Variants in GMPR observed in about 807,000 individuals in gnomAD.
The protein encoded by GMPR is GMP reductase 1.
Under a neutral mutation model 38.4 loss-of-function variants are expected in GMPR, and 31 were observed. That is an observed-to-expected ratio of 0.81 (90% CI 0.61 to 1.09). The LOEUF (loss-of-function observed/expected upper bound fraction) is 1.09. Among genes scored for constraint, GMPR ranks in the 50% least tolerant of loss-of-function variants. The probability of loss-of-function intolerance (pLI) is 0.00; values close to 1 mark genes in which losing one functional copy is unlikely to be tolerated. For synonymous variants in GMPR, 162 were observed against 173.3 expected (o/e 0.93, Z 0.51); for missense variants, 468 against 453.7 (o/e 1.03, Z -0.29).
chr6:16,250,974 A>G (rs1322003327), intron 3 of GMPR, among the ~76,000 whole-genome samples: 1 of 152,114 alleles, frequency 6.6e-6, no homozygotes, highest in African/African-American at 2.4e-5. Flanking sequence ...GCTTTGGAAA[A>G]CAGTTGTCAG....
intron 4 of GMPR, among the ~76,000 whole-genome samples, chr6:16,266,896 G>A (rs62387696): frequency 1.3e-5 from 2 of 151,672 alleles, no homozygotes; most frequent in Non-Finnish European, 1.5e-5. Context: ...GAACAACTCC[G>A]GACGTGCCAC....
chr6:16,254,066 G>T (rs1226235880), intron 3 of GMPR, among the ~76,000 whole-genome samples: 1 of 152,180 alleles, frequency 6.6e-6, no homozygotes, highest in East Asian at 1.9e-4. Flanking sequence ...AAGGAGCTGG[G>T]ATTACAGGCA....
intron 4 of GMPR, among the ~76,000 whole-genome samples, chr6:16,266,637 C>T (rs531772984): frequency 6.6e-6 from 1 of 151,418 alleles, no homozygotes; most frequent in Non-Finnish European, 1.5e-5. Context: ...CCCATCTCTA[C>T]TAAAAGTACA....
At chr6:16,262,676 C>G (rs1044444950) in intron 4 of GMPR, 3 of 151,840 alleles carry the variant, frequency 2.0e-5, no homozygotes, top group Non-Finnish European at 4.4e-5. Flanking sequence ...TCTTTAATGT[C>G]GGGAGCAGAT....
At chr6:16,264,536 CTGTT>C (rs1252458891) in intron 4 of GMPR, 1 of 152,428 alleles carries the variant, frequency 6.6e-6, no homozygotes, top group East Asian at 1.9e-4. Context: ...AGCAACATGG[CTGTT>C]TATTTCACCT....
chr6:16,272,463 A>G (rs1759403652), intron 4 of GMPR, among the ~76,000 whole-genome samples: 1 of 152,222 alleles, frequency 6.6e-6, no homozygotes, highest in South Asian at 2.1e-4. Context: ...AACTCATACT[A>G]CAATAAATTT....
Position 16,254,759 on chromosome 6 carries a change from T to C in GMPR, c.465+24T>C, listed in dbSNP as rs115403463. Reference sequence around the variant, plus strand: ...TGGTAAGTACGGTAGAACATTACGGTAGAACATTCTCAAGATGGGGAAGCC... The same window carrying C: ...TGGTAAGTACGGTAGAACATTACGGCAGAACATTCTCAAGATGGGGAAGCC... On this transcript the variant is annotated intron_variant, in intron 4 of 8. Coordinates refer to ENST00000259727, the MANE Select transcript of GMPR (RefSeq NM_006877.4). 1,537 of 1,565,106 alleles carry C rather than the reference T, an allele frequency of 9.8e-4. 8 individuals carry two copies. In the African/African-American group the frequency reaches 0.012, roughly 13 times the overall value.
chr6:16,290,767 C>T (rs1759827132), intron 8 of GMPR, 146 bp downstream of exon 8: 1 of 677,496 alleles, frequency 1.5e-6, no homozygotes, highest in Non-Finnish European at 2.5e-6. Context: ...AATTTGTATC[C>T]AGTTAGCATT....
At chr6:16,252,341 C>A (rs1466740550) in intron 3 of GMPR, among the ~76,000 whole-genome samples, 1 of 152,130 alleles carries the variant, frequency 6.6e-6, no homozygotes, top group African/African-American at 2.4e-5. Flanking sequence ...CTCACTGCAG[C>A]CTCCACCTCC....
intron 8 of GMPR, 82 bp from the exon 9 acceptor site, chr6:16,294,924 G>T: frequency 9.0e-7 from 1 of 1,105,886 alleles, no homozygotes; most frequent in Non-Finnish European, 1.3e-6. Context: ...TACAGAAAGT[G>T]CTGGAGCTGG....
intron 1 of GMPR, 77 bp from the exon 2 acceptor site, chr6:16,246,765 C>G: frequency 1.4e-6 from 2 of 1,443,056 alleles, no homozygotes; most frequent in Non-Finnish European, 1.9e-6. Context: ...CTCCAAACTC[C>G]AGAAATTCTG....
chr6:16,270,270 G>T (rs1488967931), intron 4 of GMPR, among the ~76,000 whole-genome samples: 1 of 152,184 alleles, frequency 6.6e-6, no homozygotes, highest in Non-Finnish European at 1.5e-5. Context: ...AGGAAGAGGG[G>T]TTGCCTATCA....
chr6:16,281,849 T>TG, intron 6 of GMPR, among the ~76,000 whole-genome samples: 1 of 152,294 alleles, frequency 6.6e-6, no homozygotes, highest in East Asian at 1.9e-4. Context: ...GTCTCCTAGA[T>TG]GGGGTTAGGA....
At position 16,263,693 on chromosome 6, in the gene GMPR, GGGTGC is replaced by G. The variant is rs1223032514; in HGVS notation, c.465+8959_465+8963del. On this transcript the variant is annotated intron_variant, in intron 4 of 8. Transcript: ENST00000259727. Reference sequence around the variant, plus strand: ...GTCAGGGCACAGAAATAAGGGATTGGGGTGCAGAGATAAGAGGTCAGGGCACAGAA... The same window carrying G: ...GTCAGGGCACAGAAATAAGGGATTGGAGAGATAAGAGGTCAGGGCACAGAA... Among the ~76,000 whole-genome samples, 34 of 147,454 alleles carry G rather than the reference GGGTGC, an allele frequency of 2.3e-4. 1 individual carries two copies. In the South Asian group the frequency reaches 7.4e-3, roughly 32 times the overall value.
chr6:16,254,471 T>C, intron 3 of GMPR, 91 bp from the exon 4 acceptor site: 3 of 1,087,820 alleles, frequency 2.8e-6, no homozygotes, highest in South Asian at 1.4e-5. Context: ...AGGGTTGTTG[T>C]ACTGTCCCAG....
chr6:16,270,974 G>T (rs544928014), intron 4 of GMPR, among the ~76,000 whole-genome samples: 1 of 150,714 alleles, frequency 6.6e-6, no homozygotes. Flanking sequence ...ATTACTTGAG[G>T]CCAGGAGTTA....
chr6:16,239,823 C>T (rs1471875130), intron 1 of GMPR, among the ~76,000 whole-genome samples: 1 of 152,250 alleles, frequency 6.6e-6, no homozygotes, highest in Non-Finnish European at 1.5e-5. Context: ...TCCGCGTTAG[C>T]CAATGACTAA....
intron 1 of GMPR, among the ~76,000 whole-genome samples, chr6:16,245,891 C>G (rs2113668378): frequency 6.6e-6 from 1 of 152,344 alleles, no homozygotes; most frequent in African/African-American, 2.4e-5. Context: ...GAGAAGCTGT[C>G]TAAGGCAGAG....
At chr6:16,246,703 C>T (rs1215372690) in intron 1 of GMPR, 139 bp from the exon 2 acceptor site, 17 of 762,984 alleles carry the variant, frequency 2.2e-5, no homozygotes, top group African/African-American at 7.0e-5. Context: ...CTTTGGAATA[C>T]CTGTCTTTGA....
Sources: allele counts gnomAD v4.1 joint callset (sites outside exome capture counted in the v4.1 genomes callset), GRCh38; gene constraint gnomAD v4.1.1; transcripts MANE v1.5; gene names NCBI Gene and HGNC (gene_info 2026-07-23, HGNC 2026-07-21).